LDAH: variants seen among roughly 807,000 people sequenced by gnomAD.
LDAH encodes lipid droplet-associated hydrolase.
Under a neutral mutation model 29.6 loss-of-function variants are expected in LDAH, and 26 were observed. The observed-to-expected ratio is 0.88, with a 90% CI of 0.64 to 1.22. LDAH has a LOEUF of 1.22. LDAH is among the 50% of genes most tolerant of loss of function. The pLI is 0.00. For synonymous variants in LDAH, 117 were observed against 133.0 expected (o/e 0.88, Z 0.83); for missense variants, 344 against 387.3 (o/e 0.89, Z 0.94).
At chr2:20,734,974 G>A (rs1352650526) in intron 5 of LDAH, among the ~76,000 whole-genome samples, 3 of 152,174 alleles carry the variant, frequency 2.0e-5, no homozygotes, top group Admixed American at 6.5e-5. Context: ...CATGGATTCT[G>A]ATGAAAAACT....
intron 1 of LDAH, among the ~76,000 whole-genome samples, chr2:20,822,537 T>C (rs1045863638): frequency 6.6e-6 from 1 of 152,164 alleles, no homozygotes; most frequent in Admixed American, 6.5e-5. Flanking sequence ...AGGAATAAAG[T>C]GTTCCAATCT....
At chr2:20,802,273 C>T (rs570465000) in intron 1 of LDAH, among the ~76,000 whole-genome samples, 169 of 151,930 alleles carry the variant, frequency 1.1e-3, no homozygotes, top group African/African-American at 2.4e-3. Flanking sequence ...TTGGCCAGGC[C>T]GGTCTTGAAC....
chr2:20,727,971 C>T (rs1266895303), intron 5 of LDAH, among the ~76,000 whole-genome samples: 2 of 152,108 alleles, frequency 1.3e-5, no homozygotes, highest in Non-Finnish European at 2.9e-5. Context: ...CGCTAATGCC[C>T]CAGAACTCAA....
At chr2:20,711,606 A>T (rs1216472430) in intron 5 of LDAH, among the ~76,000 whole-genome samples, 1 of 152,204 alleles carries the variant, frequency 6.6e-6, no homozygotes, top group Non-Finnish European at 1.5e-5. Flanking sequence ...CAGAAACACA[A>T]GGGTCAGGGG....
chr2:20,747,778 C>T (rs1667678574), intron 4 of LDAH, among the ~76,000 whole-genome samples: 1 of 152,118 alleles, frequency 6.6e-6, no homozygotes. Flanking sequence ...TGATAGCTTA[C>T]TATTTTCTAG....
At chr2:20,688,415 C>T (rs1198532017) in intron 6 of LDAH, among the ~76,000 whole-genome samples, 2 of 152,150 alleles carry the variant, frequency 1.3e-5, no homozygotes, top group African/African-American at 4.8e-5. Flanking sequence ...ATCTTCTATG[C>T]ATGCCAAGGA....
At chr2:20,724,350 T>A (rs340620) in intron 5 of LDAH, among the ~76,000 whole-genome samples, 1 of 152,156 alleles carries the variant, frequency 6.6e-6, no homozygotes, top group Non-Finnish European at 1.5e-5. Context: ...TTCTCTTCTA[T>A]CCCACTGTAA....
Position 20,740,190 on chromosome 2 carries a change from G to A in LDAH, c.484C>T (p.Leu162=), listed in dbSNP as rs1266055694. 5 of 1,613,286 alleles carry A rather than the reference G, an allele frequency of 3.1e-6. No homozygotes were observed. Among genetic ancestry groups the A allele is most frequent in the Non-Finnish European group, 4.2e-6 (5 of 1,179,246 alleles). ...VPELPVIRAF[L]LFPTIERMSE... The stretch of plus-strand genomic sequence containing the variant: ...ATTCGTTCAATTGTTGGAAAGAGCA[G>A]AAAGGCACGAATTACCTGCAATAAA... Residue 162 remains leucine (L), a synonymous_variant, in exon 5 of 7, where the codon CTG becomes TTG. Coordinates refer to ENST00000237822, the MANE Select transcript of LDAH (RefSeq NM_021925.4).
intron 1 of LDAH, among the ~76,000 whole-genome samples, chr2:20,815,544 A>G (rs1042755442): frequency 5.3e-5 from 8 of 152,206 alleles, no homozygotes; most frequent in Non-Finnish European, 1.0e-4. Context: ...GAGAAATGGC[A>G]CATTACCTTT....
At chr2:20,782,006 A>G (rs191260109) in intron 3 of LDAH, among the ~76,000 whole-genome samples, 26 of 152,384 alleles carry the variant, frequency 1.7e-4, no homozygotes, top group Admixed American at 1.6e-3. Flanking sequence ...AATAAGAATT[A>G]AAGCTGTTTC....
intron 6 of LDAH, among the ~76,000 whole-genome samples, chr2:20,691,285 G>A (rs551054099): frequency 3.3e-5 from 5 of 152,184 alleles, no homozygotes; most frequent in African/African-American, 7.2e-5. Flanking sequence ...AGTGACCTTC[G>A]CACATCAGCT....
At chr2:20,747,947 T>C (rs1369901480) in intron 4 of LDAH, among the ~76,000 whole-genome samples, 3 of 152,206 alleles carry the variant, frequency 2.0e-5, no homozygotes. Context: ...GCCATTAACC[T>C]TTATATATAC....
At chr2:20,750,214 C>T (rs1348107165) in intron 4 of LDAH, among the ~76,000 whole-genome samples, 2 of 151,968 alleles carry the variant, frequency 1.3e-5, no homozygotes, top group African/African-American at 2.4e-5. Flanking sequence ...TTAGTAGAGA[C>T]GGGGTTTCAC....
At chr2:20,802,227 T>C (rs547376495) in intron 1 of LDAH, among the ~76,000 whole-genome samples, 1 of 152,072 alleles carries the variant, frequency 6.6e-6, no homozygotes, top group African/African-American at 2.4e-5. Context: ...GCCTGGCTAA[T>C]TTTTGTATTT....
intron 5 of LDAH, among the ~76,000 whole-genome samples, chr2:20,728,788 A>G (rs751345051): frequency 2.3e-4 from 35 of 152,080 alleles, no homozygotes; most frequent in Non-Finnish European, 4.9e-4. Flanking sequence ...CCTTTACCCA[A>G]GGTTACACAC....
intron 3 of LDAH, among the ~76,000 whole-genome samples, chr2:20,786,148 G>T (rs1670532665): frequency 6.6e-6 from 1 of 152,048 alleles, no homozygotes. Context: ...CCTTTTATGT[G>T]AGGCTATATG....
chr2:20,721,907 G>C (rs1394411396), intron 5 of LDAH, among the ~76,000 whole-genome samples: 1 of 152,196 alleles, frequency 6.6e-6, no homozygotes, highest in Non-Finnish European at 1.5e-5. Flanking sequence ...ATCAGTTGGT[G>C]AATGGATAAA....
chr2:20,707,830 G>A (rs1664423441), intron 5 of LDAH, among the ~76,000 whole-genome samples: 2 of 152,324 alleles, frequency 1.3e-5, no homozygotes, highest in South Asian at 4.1e-4. Flanking sequence ...GCAAGCAAGT[G>A]AAGCTTTATC....
intron 3 of LDAH, among the ~76,000 whole-genome samples, chr2:20,787,248 G>A (rs1284069714): frequency 6.6e-6 from 1 of 152,022 alleles, no homozygotes; most frequent in Admixed American, 6.6e-5. Context: ...TTCTCTGAAA[G>A]GTCTAAGAAA....
Sources: allele counts gnomAD v4.1 joint callset (sites outside exome capture counted in the v4.1 genomes callset), GRCh38; gene constraint gnomAD v4.1.1; transcripts MANE v1.5; gene names NCBI Gene and HGNC (gene_info 2026-07-23, HGNC 2026-07-21).